CFAP36: variants seen among roughly 807,000 people sequenced by gnomAD.
The protein encoded by CFAP36 is cilia and flagella associated protein 36.
A neutral mutation model predicts 50.5 loss-of-function variants in CFAP36; 37 were observed. The ratio of observed to expected loss-of-function variants is 0.73; its 90% confidence interval spans 0.56 to 0.96. CFAP36 has a LOEUF of 0.96. CFAP36 is among the 50% of genes least tolerant of loss of function. CFAP36 has a pLI of 0.00. For synonymous variants in CFAP36, 138 were observed against 128.2 expected (o/e 1.08, Z -0.52); for missense variants, 407 against 396.2 (o/e 1.03, Z -0.23).
intron 7 of CFAP36, chr2:55,539,039 A>T: frequency 5.1e-6 from 4 of 781,646 alleles, no homozygotes; most frequent in Non-Finnish European, 7.1e-6. Context: ...CTGCCCTAGT[A>T]CATGCCTAGC....
chr2:55,521,201 C>CTTTTT (rs11315249), intron 1 of CFAP36, among the ~76,000 whole-genome samples: 1 of 134,182 alleles, frequency 7.5e-6, no homozygotes, highest in Non-Finnish European at 1.6e-5. Context: ...ATTTGTACTC[C>CTTTTT]TTTTTTTTTT....
chr2:55,544,983 T>A lies in CFAP36; in HGVS notation c.1004T>A (p.Leu335His). 6.3e-7 allele frequency: 1 copy of A among 1,594,568 alleles called. No individual in the cohort carries two copies. Among genetic ancestry groups the A allele is most frequent in the Non-Finnish European group, 8.6e-7 (1 of 1,168,402 alleles). Residue 335 changes from leucine (L) to histidine (H), a missense_variant, in exon 10 of 10, where the codon CTC (leucine) becomes CAC (histidine). Physicochemically the swap from Leu to His is moderately conservative, Grantham distance 99. Transcript: ENST00000349456. Reference sequence around the variant, plus strand: ...AAGAGGAGATTGCTTGCAGAGAAACTCAAAGAAGAAGTTATTAATAAGTAA... The same window carrying A: ...AAGAGGAGATTGCTTGCAGAGAAACACAAAGAAGAAGTTATTAATAAGTAA... ...LLKRRLLAEK[L>H]KEEVINK is the part of the protein sequence containing the mutation.
intron 6 of CFAP36, among the ~76,000 whole-genome samples, chr2:55,536,785 C>A (rs1391530768): frequency 6.6e-6 from 1 of 151,446 alleles, no homozygotes; most frequent in East Asian, 2.0e-4. Context: ...TGTTGTATTG[C>A]CCAGGCTAGA....
intron 4 of CFAP36, among the ~76,000 whole-genome samples, chr2:55,529,888 C>T (rs371661303): frequency 6.6e-5 from 10 of 152,108 alleles, no homozygotes; most frequent in South Asian, 4.2e-4. Context: ...CCTCGTGATC[C>T]GCCCGCCTTG....
chr2:55,522,322 G>A (rs540262591), intron 2 of CFAP36, among the ~76,000 whole-genome samples, 156 bp downstream of exon 2: 13 of 152,028 alleles, frequency 8.6e-5, no homozygotes, highest in South Asian at 2.1e-4. Flanking sequence ...GTCTCCACAG[G>A]TGCTCTGAAT....
At chr2:55,527,099 A>G (rs948492980) in intron 3 of CFAP36, among the ~76,000 whole-genome samples, 3 of 152,176 alleles carry the variant, frequency 2.0e-5, no homozygotes, top group South Asian at 4.1e-4. Flanking sequence ...AAATCTGGCA[A>G]TTTCCAAGAA....
At chr2:55,539,912 G>A (rs534671042) in intron 7 of CFAP36, among the ~76,000 whole-genome samples, 2 of 152,184 alleles carry the variant, frequency 1.3e-5, no homozygotes, top group East Asian at 1.9e-4. Flanking sequence ...TATCTTCTTT[G>A]GTGATGAGTC....
chr2:55,522,914 G>A (rs1164956485), intron 2 of CFAP36, among the ~76,000 whole-genome samples: 1 of 152,034 alleles, frequency 6.6e-6, no homozygotes, highest in Non-Finnish European at 1.5e-5. Context: ...GGGCAACATG[G>A]TGAAACTCCA....
At chr2:55,523,688 T>G in intron 2 of CFAP36, 33 bp from the exon 3 acceptor site, 1 of 1,395,256 alleles carries the variant, frequency 7.2e-7, no homozygotes, top group Non-Finnish European at 1.0e-6. Context: ...AATTTTTCTA[T>G]GTAATTATAA....
At chr2:55,520,957 A>C (rs78547789) in intron 1 of CFAP36, among the ~76,000 whole-genome samples, 371 of 152,304 alleles carry the variant, frequency 2.4e-3, no homozygotes, top group African/African-American at 8.7e-3. Flanking sequence ...TAGCGACTTA[A>C]TAGGGTTAGA....
chr2:55,535,470 C>T (rs1684456318), intron 5 of CFAP36, among the ~76,000 whole-genome samples: 2 of 152,308 alleles, frequency 1.3e-5, no homozygotes, highest in East Asian at 3.9e-4. Context: ...AGGGTTCATT[C>T]AGAGTTCTAG....
chr2:55,529,050 C>T (rs1684284020), intron 4 of CFAP36, 58 bp downstream of exon 4: 15 of 1,194,386 alleles, frequency 1.3e-5, no homozygotes, highest in Non-Finnish European at 1.8e-5. Flanking sequence ...ACAGTTTTGA[C>T]TATTCTAATA....
intron 4 of CFAP36, among the ~76,000 whole-genome samples, chr2:55,529,439 A>G (rs1684298843): frequency 6.6e-6 from 1 of 151,784 alleles, no homozygotes; most frequent in African/African-American, 2.4e-5. Context: ...AAAAAAGAGT[A>G]TAAACTTCCT....
In CFAP36 at chr2:55,544,239, CAGA is replaced by C; in HGVS notation, c.802_804del (p.Glu268del). The C allele has an allele frequency of 6.2e-7, 1 of 1,613,254 alleles. No homozygotes were observed. The highest frequency in any genetic ancestry group is 8.5e-7 in the Non-Finnish European group (1 of 1,179,802). ...ACCCAGAACTTATCAGTACTTGGAA[CAGA>C]AGAACTTCGGCAACGAGAACACTAT... On this transcript the variant is annotated inframe_deletion, in exon 9 of 10. Coordinates refer to ENST00000349456, the MANE Select transcript of CFAP36 (RefSeq NM_080667.7).
chr2:55,522,281 A>G (rs946858191), intron 2 of CFAP36, 115 bp downstream of exon 2: 14 of 587,812 alleles, frequency 2.4e-5, no homozygotes, highest in African/African-American at 1.9e-4. Flanking sequence ...CAAAAATCCA[A>G]TCTACCTTAA....
chr2:55,534,405 A>C (rs1230043122), intron 5 of CFAP36, among the ~76,000 whole-genome samples: 2 of 152,190 alleles, frequency 1.3e-5, no homozygotes, highest in Non-Finnish European at 2.9e-5. Flanking sequence ...GTAACCTTCA[A>C]GGGAGGGATG....
rs772008493 is a variant in CFAP36, at chr2:55,522,184, C to G, written c.180+18C>G. ...AAGAACTAGTGAGTATTTTTTTTCA[C>G]TGATTTTTAAAAGTAATTAGGCTAA... On this transcript the variant is annotated intron_variant, in intron 2 of 9. Coordinates refer to ENST00000349456, the MANE Select transcript of CFAP36 (RefSeq NM_080667.7). 1.0e-5 allele frequency: 14 copies of G among 1,362,082 alleles called. No individual in the cohort carries two copies. The Admixed American group carries it at 2.7e-4, about 27-fold the overall frequency. 84.4% of individuals were successfully genotyped at this position (1,362,082 alleles called of 1,614,324 possible). A position where few individuals can be genotyped will look rare whatever the true frequency, so the allele number is the denominator to read the frequency against.
At chr2:55,541,029 A>C (rs1684624260) in intron 7 of CFAP36, among the ~76,000 whole-genome samples, 1 of 152,006 alleles carries the variant, frequency 6.6e-6, no homozygotes, top group African/African-American at 2.4e-5. Context: ...ATAAAATAAA[A>C]AAATAAAAAA....
intron 6 of CFAP36, among the ~76,000 whole-genome samples, chr2:55,536,319 G>T (rs1422755012): frequency 2.0e-5 from 3 of 151,898 alleles, no homozygotes; most frequent in African/African-American, 7.3e-5. Context: ...TTTTAGTAGA[G>T]ACGGGGTTTC....
Sources: gnomAD v4.1 joint callset for allele counts (sites outside exome capture counted in the v4.1 genomes callset) on GRCh38, gnomAD v4.1.1 for gene constraint, MANE v1.5 for transcripts, NCBI Gene and HGNC (gene_info 2026-07-23, HGNC 2026-07-21) for gene names.